PALM2AKAP2: variants seen among roughly 807,000 people sequenced by gnomAD.
PALM2AKAP2 encodes PALM2-AKAP2 fusion protein.
A neutral mutation model predicts 71.5 loss-of-function variants in PALM2AKAP2; 37 were observed. The ratio of observed to expected loss-of-function variants is 0.52; its 90% CI spans 0.40 to 0.68. The LOEUF (loss-of-function observed/expected upper bound fraction) is 0.68, where lower values mean the gene tolerates loss of function less well. Among genes scored for constraint, PALM2AKAP2 ranks in the 30% least tolerant of loss-of-function variants. The pLI, the probability that PALM2AKAP2 is intolerant of heterozygous loss-of-function variation, is 0.00. For missense variants in PALM2AKAP2, 1,224 were observed against 1,191.8 expected, an observed-to-expected ratio of 1.03 and a Z score of -0.40; for synonymous variants, 468 against 478.8, an observed-to-expected ratio of 0.98 and a Z score of 0.29.
intron 3 of PALM2AKAP2, among the ~76,000 whole-genome samples, chr9:109,908,806 GTGCA>G (rs1830505332): frequency 1.1e-5 from 1 of 91,410 alleles, no homozygotes; most frequent in African/African-American, 4.4e-5. Context: ...ATGGATGCGT[GTGCA>G]CACACACACA....
intron 1 of PALM2AKAP2, chr9:109,765,649 G>A (rs1031395913): frequency 6.6e-6 from 1 of 152,322 alleles, no homozygotes; most frequent in African/African-American, 2.4e-5. Context: ...GCCTTTAAAA[G>A]TCTGATGTGC....
At position 110,056,945 on chromosome 9, in the gene PALM2AKAP2, G is replaced by A. The variant is rs148761099; in HGVS notation, c.156+8090G>A. 2.0e-5 allele frequency among the ~76,000 whole-genome samples: 3 copies of A among 152,202 alleles called. No individual in the cohort carries two copies. In the East Asian group the frequency reaches 5.8e-4, roughly 29 times the overall value. On this transcript the variant is annotated intron_variant, in intron 1 of 3. Coordinates refer to ENST00000374525, the Ensembl canonical transcript of PALM2AKAP2. ...GAGTGGCGTAGAGGGTGTTGAGATAGAGGAATGAAAAGAGAAGAGATCGTT... is the reference window on the plus strand; with the variant it reads ...GAGTGGCGTAGAGGGTGTTGAGATAAAGGAATGAAAAGAGAAGAGATCGTT...
rs1382175783 is a variant in PALM2AKAP2, at chr9:110,138,321, C to T, written c.2351C>T (p.Ser784Phe). 12 of 1,614,090 alleles carry T rather than the reference C, an allele frequency of 7.4e-6. No individual in the cohort carries two copies. Among genetic ancestry groups the T allele is most frequent in the Non-Finnish European group, 1.0e-5 (12 of 1,180,052 alleles). ...GCAGCTGAGCTGAGAAGCACAGCCT[C>T]CCTCCTGGCCACTCAAGAATCTGAC... The change falls in exon 2 of 4, where the codon TCC (serine) becomes TTC (phenylalanine). Residue 784 changes from serine to phenylalanine, a missense_variant. By Grantham distance (155) the Ser-to-Phe change is radical. Transcript: ENST00000374525.
At chr9:109,660,868 A>G (rs1039826055) in intron 1 of PALM2AKAP2, among the ~76,000 whole-genome samples, 1 of 152,118 alleles carries the variant, frequency 6.6e-6, no homozygotes, top group Admixed American at 6.6e-5. Context: ...TCTAACTGGC[A>G]TGAGATGGTA....
chr9:109,865,853 A>G (rs567811062), intron 1 of PALM2AKAP2, among the ~76,000 whole-genome samples: 1 of 152,338 alleles, frequency 6.6e-6, no homozygotes, highest in South Asian at 2.1e-4. Context: ...CTGGACCAGG[A>G]AGCCCTAGCT....
intron 6 of PALM2AKAP2, among the ~76,000 whole-genome samples, chr9:110,015,483 C>T (rs757250755): frequency 4.6e-5 from 7 of 151,966 alleles, no homozygotes; most frequent in Non-Finnish European, 8.8e-5. Flanking sequence ...GCCTGTAATC[C>T]CATAATCCCA....
At chr9:109,829,839 A>G (rs868495288) in intron 1 of PALM2AKAP2, among the ~76,000 whole-genome samples, 1 of 152,196 alleles carries the variant, frequency 6.6e-6, no homozygotes, top group South Asian at 2.1e-4. Context: ...AATGCAAAAT[A>G]ACCTTGATTT....
intron 1 of PALM2AKAP2, among the ~76,000 whole-genome samples, chr9:109,859,511 T>A (rs1382673723): frequency 6.6e-6 from 1 of 152,254 alleles, no homozygotes; most frequent in Non-Finnish European, 1.5e-5. Context: ...ATCCTATGCA[T>A]GTAACAAAAT....
At chr9:110,093,615 T>G (rs976497855) in intron 1 of PALM2AKAP2, among the ~76,000 whole-genome samples, 2 of 152,162 alleles carry the variant, frequency 1.3e-5, no homozygotes, top group African/African-American at 2.4e-5. Context: ...AGTGATTGCA[T>G]CTAGAATAAA....
intron 6 of PALM2AKAP2, among the ~76,000 whole-genome samples, chr9:110,014,409 CT>C (rs1305356717): frequency 2.6e-5 from 4 of 152,024 alleles, no homozygotes; most frequent in Non-Finnish European, 5.9e-5. Flanking sequence ...CTGAAAAACT[CT>C]ATCAAATATT....
intron 6 of PALM2AKAP2, among the ~76,000 whole-genome samples, chr9:109,948,973 C>T (rs1356943819): frequency 1.3e-5 from 2 of 152,136 alleles, no homozygotes; most frequent in African/African-American, 2.4e-5. Context: ...AAAAAAAACG[C>T]AGGTTGTATT....
At chr9:109,773,698 TCA>T (rs1401953796) in intron 1 of PALM2AKAP2, among the ~76,000 whole-genome samples, 1 of 152,200 alleles carries the variant, frequency 6.6e-6, no homozygotes, top group Non-Finnish European at 1.5e-5. Flanking sequence ...TTGTACAAAG[TCA>T]CACAGCAAGT....
chr9:109,697,132 G>A (rs888888744), intron 1 of PALM2AKAP2, among the ~76,000 whole-genome samples: 1 of 151,954 alleles, frequency 6.6e-6, no homozygotes, highest in African/African-American at 2.4e-5. Context: ...CATCAACAGG[G>A]TACTGGTTAA....
rs183145162 is a variant in PALM2AKAP2 at position 110,154,920 on chromosome 9, C to T, written c.2570-1399C>T. Among the ~76,000 whole-genome samples the T allele has an allele frequency of 5.1e-4, 77 of 152,254 alleles. 1 individual carries two copies. In the East Asian group the frequency reaches 5.4e-3, roughly 11 times the overall value. On this transcript the variant is annotated intron_variant, in intron 2 of 3. Transcript: ENST00000374525. ...ACTTCTTCCAAAATTCCCATTTAAC[C>T]GCTATGGCAGTTAAAGCTAGGAGAA...
intron 1 of PALM2AKAP2, among the ~76,000 whole-genome samples, chr9:110,121,258 C>CA (rs1835480465): frequency 6.6e-6 from 1 of 152,316 alleles, no homozygotes; most frequent in Non-Finnish European, 1.5e-5. Context: ...ATCTGATTCA[C>CA]ATGTAAGGGC....
chr9:109,957,890 C>T (rs1032790568), intron 6 of PALM2AKAP2, among the ~76,000 whole-genome samples: 1 of 152,206 alleles, frequency 6.6e-6, no homozygotes, highest in African/African-American at 2.4e-5. Flanking sequence ...GGGCTGGCCG[C>T]AGTGAGTCCG....
chr9:109,888,711 CAAAAAAAAA>C (rs34495775), intron 3 of PALM2AKAP2, among the ~76,000 whole-genome samples: 1 of 98,818 alleles, frequency 1.0e-5, no homozygotes, highest in Non-Finnish European at 1.9e-5. Context: ...ATTTTGCCTC[CAAAAAAAAA>C]AAAAAAAAAA....
intron 1 of PALM2AKAP2, among the ~76,000 whole-genome samples, chr9:110,058,613 T>C (rs759254780): frequency 2.3e-4 from 35 of 152,262 alleles, no homozygotes; most frequent in Non-Finnish European, 4.6e-4. Context: ...CTACCATCTT[T>C]TCCTCCCTGC....
At chr9:109,642,823 G>A (rs1827089803) in intron 1 of PALM2AKAP2, among the ~76,000 whole-genome samples, 1 of 150,542 alleles carries the variant, frequency 6.6e-6, no homozygotes, top group South Asian at 2.1e-4. Flanking sequence ...GGGATTATAG[G>A]TGTGAGCCAC....
Sources: allele counts gnomAD v4.1 joint callset (sites outside exome capture counted in the v4.1 genomes callset), GRCh38; gene constraint gnomAD v4.1.1; transcripts MANE v1.5; gene names NCBI Gene and HGNC (gene_info 2026-07-23, HGNC 2026-07-21).